The following ADGRE1 variants were observed in gnomAD, a reference collection of about 807,000 sequenced individuals.
The protein encoded by ADGRE1 is adhesion G protein-coupled receptor E1.
In ADGRE1, 82 loss-of-function variants were observed where a neutral mutation model predicts 102.7. The observed-to-expected ratio is 0.80, with a 90% CI of 0.67 to 0.96. The LOEUF (loss-of-function observed/expected upper bound fraction) is 0.96. ADGRE1 is among the 40% of genes least tolerant of loss of function. ADGRE1 has a pLI of 0.00. For synonymous variants in ADGRE1, 398 were observed against 399.6 expected (o/e 1.00, Z 0.05); for missense variants, 1,032 against 1,085.3 (o/e 0.95, Z 0.69).
At chr19:6,920,785 C>T (rs1180705392) in intron 13 of ADGRE1, among the ~76,000 whole-genome samples, 2 of 152,100 alleles carry the variant, frequency 1.3e-5, no homozygotes, top group African/African-American at 2.4e-5. Context: ...GCTGGGATTA[C>T]AGGCATGAGC....
intron 17 of ADGRE1, among the ~76,000 whole-genome samples, chr19:6,934,419 C>CTTT (rs71177132): frequency 2.6e-3 from 249 of 95,370 alleles, no homozygotes; most frequent in Non-Finnish European, 3.5e-3. Context: ...TCTTCTTCTT[C>CTTT]TTTTTTTTTT....
rs1328294510 is a variant in ADGRE1 at position 6,911,418 on chromosome 19, G to A, written c.1123-2235G>A. ...TTTTTTTTTTTTTGCTTGGGTCAGA[G>A]TCACATGTGATAGTCAATTTATTGA... On this transcript the variant is annotated intron_variant, in intron 10 of 20. Coordinates refer to ENST00000312053, the MANE Select transcript of ADGRE1 (RefSeq NM_001974.5). 6.5e-5 allele frequency among the ~76,000 whole-genome samples: 8 copies of A among 123,940 alleles called. No homozygotes were observed. In the East Asian group the frequency reaches 1.8e-3, roughly 27 times the overall value. 81.3% of individuals were successfully genotyped at this position (123,940 alleles called of 152,430 possible).
At chr19:6,916,437 T>G in intron 12 of ADGRE1, 69 bp downstream of exon 12, 1 of 1,540,406 alleles carries the variant, frequency 6.5e-7, no homozygotes, top group South Asian at 1.3e-5. Context: ...GATCCCTTTC[T>G]AGGTGCCAAG....
chr19:6,902,771 C>A (rs1973819710), intron 6 of ADGRE1, among the ~76,000 whole-genome samples: 1 of 152,172 alleles, frequency 6.6e-6, no homozygotes, highest in Non-Finnish European at 1.5e-5. Flanking sequence ...GAGTCTTGGT[C>A]TGTCGCCCAG....
chr19:6,925,555 G>C (rs1210817607), intron 15 of ADGRE1, among the ~76,000 whole-genome samples: 1 of 152,140 alleles, frequency 6.6e-6, no homozygotes, highest in Non-Finnish European at 1.5e-5. Flanking sequence ...GGTGGGTAAA[G>C]GTTAGGGATA....
At chr19:6,937,846 C>G (rs1227026789) in intron 20 of ADGRE1, among the ~76,000 whole-genome samples, 198 bp downstream of exon 20, 1 of 151,900 alleles carries the variant, frequency 6.6e-6, no homozygotes, top group Non-Finnish European at 1.5e-5. Flanking sequence ...ATCTATCTCT[C>G]TATTTAAATA....
intron 20 of ADGRE1, among the ~76,000 whole-genome samples, chr19:6,938,365 C>A (rs965314988): frequency 2.0e-5 from 3 of 151,746 alleles, no homozygotes; most frequent in Non-Finnish European, 4.4e-5. Flanking sequence ...ATATAGATAT[C>A]TTCACATGTA....
chr19:6,920,080 A>AG (rs1478686743), intron 13 of ADGRE1, among the ~76,000 whole-genome samples: 1 of 152,154 alleles, frequency 6.6e-6, no homozygotes, highest in Non-Finnish European at 1.5e-5. Context: ...AGGCTGGGGC[A>AG]GGTTTTATAG....
chr19:6,916,564 A>G (rs1415563416), intron 12 of ADGRE1, among the ~76,000 whole-genome samples, 196 bp downstream of exon 12: 1 of 150,962 alleles, frequency 6.6e-6, no homozygotes, highest in Non-Finnish European at 1.5e-5. Flanking sequence ...GAGTACTGAG[A>G]CCTTCACTGG....
At chr19:6,938,677 T>G (rs1400976678) in intron 20 of ADGRE1, among the ~76,000 whole-genome samples, 1 of 152,104 alleles carries the variant, frequency 6.6e-6, no homozygotes, top group East Asian at 1.9e-4. Context: ...TGAACCAGTA[T>G]GCAATGGGGT....
In ADGRE1 at chr19:6,919,605, G is replaced by A. The variant is rs747164531; in HGVS notation, c.1478G>A (p.Arg493His). ...GGCATGGAATCGGTTTTAAATGAGC[G>A]CTTCTTCAAAGACCACCAGGCTCCC... The part of the protein sequence containing the change: ...FVGMESVLNE[R>H]FFKDHQAPLT... Residue 493 changes from arginine to histidine, a missense_variant, in exon 13 of 21, where the codon CGC (arginine) becomes CAC (histidine). Physicochemically the swap from Arg to His is conservative, Grantham distance 29. Transcript: ENST00000312053. 7 of 1,613,348 alleles carry A rather than the reference G, an allele frequency of 4.3e-6. No homozygotes were observed. The highest frequency in any genetic ancestry group is 1.7e-5 in the Admixed American group (1 of 59,852).
chr19:6,898,400 G>A (rs1270648813), intron 5 of ADGRE1: 31 of 1,601,866 alleles, frequency 1.9e-5, no homozygotes, highest in Non-Finnish European at 2.6e-5. Flanking sequence ...TGTTTAGATG[G>A]TTTCTCTTCT....
intron 13 of ADGRE1, among the ~76,000 whole-genome samples, chr19:6,920,327 C>G (rs1402537781): frequency 1.3e-5 from 2 of 151,636 alleles, no homozygotes; most frequent in Non-Finnish European, 2.9e-5. Flanking sequence ...TCACGCCAGT[C>G]TCCTGCCTCA....
At chr19:6,937,009 C>T (rs936076136) in intron 18 of ADGRE1, among the ~76,000 whole-genome samples, 10 of 152,008 alleles carry the variant, frequency 6.6e-5, no homozygotes, top group Admixed American at 3.3e-4. Context: ...CTGCCCACCT[C>T]GGCCTCCCAA....
In ADGRE1 at chr19:6,897,539, C is replaced by A; in HGVS notation, c.506C>A (p.Thr169Asn). The change falls in exon 5 of 21, where the codon ACC becomes AAC. Residue 169 changes from threonine (T) to asparagine (N), a missense_variant. Transcript: ENST00000312053. ...GTTGGATTCATCTCTAGAAACTCCACCTGTGAAGGTATCCATGACCATCTC... is the reference window on the plus strand; with the variant it reads ...GTTGGATTCATCTCTAGAAACTCCAACTGTGAAGGTATCCATGACCATCTC... ...CQVGFISRNSTCEDVDECADP... is the reference protein window; with the variant it reads ...CQVGFISRNSNCEDVDECADP... The A allele has an allele frequency of 1.3e-6, 2 of 1,562,410 alleles. No individual in the cohort carries two copies. Among genetic ancestry groups the A allele is most frequent in the South Asian group, 1.2e-5 (1 of 81,322 alleles).
At chr19:6,895,174 C>T (rs550978434) in intron 2 of ADGRE1, 1 of 152,312 alleles carries the variant, frequency 6.6e-6, no homozygotes, top group Non-Finnish European at 1.5e-5. Flanking sequence ...ATGGATCACC[C>T]CAGTCTGTCC....
In ADGRE1 at chr19:6,921,744, T is replaced by C. The variant is rs550129446; in HGVS notation, c.1652T>C (p.Val551Ala). The stretch of plus-strand genomic sequence containing the variant: ...CAGAAGTTTGAGAGGCCCATCTGTG[T>C]TTCCTGGAGCACTGATGTGAAGGGT... The part of the protein sequence containing the change: ...PKQKFERPIC[V>A]SWSTDVKGGR... The change falls in exon 14 of 21, where the codon GTT (valine) becomes GCT (alanine). Residue 551 changes from valine (V) to alanine (A), a missense_variant. Coordinates refer to ENST00000312053, the MANE Select transcript of ADGRE1 (RefSeq NM_001974.5). 2.4e-4 allele frequency: 382 copies of C among 1,612,306 alleles called. 2 individuals are homozygous for C. In the South Asian group the frequency reaches 4.0e-3, roughly 17 times the overall value.
intron 17 of ADGRE1, among the ~76,000 whole-genome samples, chr19:6,934,377 A>AT (rs1364031751): frequency 1.4e-5 from 2 of 145,160 alleles, no homozygotes; most frequent in Non-Finnish European, 3.0e-5. Context: ...GGCTTTCTGG[A>AT]TTGGTTGCTA....
Position 6,926,357 on chromosome 19 carries a change from C to T in ADGRE1, c.1987-9C>T, listed in dbSNP as rs2145000020. On this transcript the variant is annotated splice_polypyrimidine_tract_variant and intron_variant, in intron 15 of 20. Transcript: ENST00000312053. ...GGAGGATTCTGATGCGCATGCTTCT[C>T]CCCTCCAGATGGGCTGCGCCATCAT... 1 of 1,613,454 alleles carries T rather than the reference C, an allele frequency of 6.2e-7. No individual in the cohort carries two copies. Among genetic ancestry groups the T allele is most frequent in the East Asian group, 2.2e-5 (1 of 44,886 alleles).
Sources: allele counts gnomAD v4.1 joint callset (sites outside exome capture counted in the v4.1 genomes callset), GRCh38; gene constraint gnomAD v4.1.1; transcripts MANE v1.5; gene names NCBI Gene and HGNC (gene_info 2026-07-23, HGNC 2026-07-21).